MED12L: variants seen among roughly 807,000 people sequenced by gnomAD.
MED12L encodes mediator of RNA polymerase II transcription subunit 12-like protein.
A neutral mutation model predicts 281.3 loss-of-function variants in MED12L; 60 were observed. The ratio of observed to expected loss-of-function variants is 0.21; its 90% CI spans 0.17 to 0.26. The LOEUF (loss-of-function observed/expected upper bound fraction) is 0.26. MED12L is among the 10% of genes least tolerant of loss of function. The probability of loss-of-function intolerance (pLI) is 1.00; values close to 1 mark genes in which losing one functional copy is unlikely to be tolerated. For synonymous variants in MED12L, 974 were observed against 987.2 expected, an observed-to-expected ratio of 0.99 and a Z score of 0.25; for missense variants, 2,146 against 2,680.9, an observed-to-expected ratio of 0.80 and a Z score of 4.41.
At chr3:151,112,276 CTTTTTCT>C (rs1712018252) in intron 2 of MED12L, among the ~76,000 whole-genome samples, 1 of 131,258 alleles carries the variant, frequency 7.6e-6, no homozygotes, top group Admixed American at 7.8e-5. Flanking sequence ...TTAACAATTT[CTTTTTCT>C]TTTTTTTTTT....
At chr3:151,199,073 A>T in intron 16 of MED12L, 1 of 1,614,016 alleles carries the variant, frequency 6.2e-7, no homozygotes. Flanking sequence ...GACAAATGCT[A>T]AGAAGATAAT....
intron 16 of MED12L, among the ~76,000 whole-genome samples, chr3:151,252,561 C>T (rs2149456797): frequency 6.6e-6 from 1 of 152,184 alleles, no homozygotes; most frequent in Admixed American, 6.5e-5. Flanking sequence ...TGTGTTGCTT[C>T]CTTAATTTTC....
At chr3:151,277,690 A>G (rs189098386) in intron 16 of MED12L, among the ~76,000 whole-genome samples, 4 of 152,340 alleles carry the variant, frequency 2.6e-5, no homozygotes, top group East Asian at 3.9e-4. Flanking sequence ...TAGACTATAA[A>G]TAAGTAGCAT....
At chr3:151,230,885 A>G (rs931814818) in intron 16 of MED12L, among the ~76,000 whole-genome samples, 5 of 152,322 alleles carry the variant, frequency 3.3e-5, no homozygotes, top group Admixed American at 3.3e-4. Context: ...TAGCCACTGA[A>G]AGGAAACAGG....
At chr3:151,099,810 C>T (rs1216374003) in intron 2 of MED12L, among the ~76,000 whole-genome samples, 4 of 152,116 alleles carry the variant, frequency 2.6e-5, no homozygotes, top group Non-Finnish European at 5.9e-5. Flanking sequence ...GAGTTCATTT[C>T]TGAATGCTTC....
At chr3:151,373,027 A>G (rs1756382530) in intron 27 of MED12L, among the ~76,000 whole-genome samples, 1 of 151,974 alleles carries the variant, frequency 6.6e-6, no homozygotes, top group African/African-American at 2.4e-5. Context: ...GCATATACCT[A>G]TTTTTTCTGA....
rs79388845 is a variant in MED12L at position 151,415,710 on chromosome 3, A to G, written c.6298-602A>G. ...AATATTTTTCTCTCCTCTGTGTCCC[A>G]CCTTGTGGATGTCTGGTCTGTGCTT... On this transcript the variant is annotated intron_variant, in intron 42 of 44. Transcript: ENST00000687756. Among the ~76,000 whole-genome samples, 790 of 152,286 alleles carry G rather than the reference A, an allele frequency of 5.2e-3. 9 individuals carry two copies. The highest frequency in any genetic ancestry group is 0.018 in the African/African-American group (743 of 41,560).
chr3:151,132,087 A>G (rs568639708), intron 5 of MED12L, among the ~76,000 whole-genome samples: 86 of 152,330 alleles, frequency 5.6e-4, no homozygotes, highest in African/African-American at 2.0e-3. Context: ...AAGTGCCTAT[A>G]ATAATATTTC....
chr3:151,292,228 A>G (rs2071412172), intron 16 of MED12L, among the ~76,000 whole-genome samples: 1 of 152,108 alleles, frequency 6.6e-6, no homozygotes, highest in South Asian at 2.1e-4. Flanking sequence ...TGTGGTAGAA[A>G]CAGAGGATGA....
At chr3:151,392,342 T>C (rs113726051) in intron 38 of MED12L, among the ~76,000 whole-genome samples, 1,747 of 151,662 alleles carry the variant, frequency 0.012, 18 homozygotes, top group South Asian at 0.024. Flanking sequence ...TGGTGGTGCC[T>C]GAAATCCCAG....
chr3:151,138,681 T>C (rs975769711), intron 5 of MED12L, among the ~76,000 whole-genome samples: 1 of 152,198 alleles, frequency 6.6e-6, no homozygotes, highest in African/African-American at 2.4e-5. Flanking sequence ...GATATTTTTC[T>C]TATGGTTAGA....
At chr3:151,207,858 C>G (rs1726588205) in intron 16 of MED12L, among the ~76,000 whole-genome samples, 1 of 152,080 alleles carries the variant, frequency 6.6e-6, no homozygotes, top group African/African-American at 2.4e-5. Context: ...AGGTTTTAGT[C>G]CTGGGAAAGG....
chr3:151,087,513 T>C (rs1719416750), intron 2 of MED12L, among the ~76,000 whole-genome samples: 1 of 152,244 alleles, frequency 6.6e-6, no homozygotes, highest in African/African-American at 2.4e-5. Flanking sequence ...GTCGTTTTTA[T>C]CGAAGTGATA....
intron 16 of MED12L, chr3:151,199,265 T>G (rs773431728): frequency 8.1e-6 from 13 of 1,614,002 alleles, no homozygotes; most frequent in Non-Finnish European, 1.1e-5. Context: ...CGTATTCTTC[T>G]GTATAAAAGC....
intron 16 of MED12L, among the ~76,000 whole-genome samples, chr3:151,322,486 T>A (rs937382860): frequency 2.3e-4 from 35 of 152,104 alleles, no homozygotes; most frequent in Non-Finnish European, 3.7e-4. Context: ...TGTGAGCTAC[T>A]GCATCTGGCG....
intron 16 of MED12L, among the ~76,000 whole-genome samples, chr3:151,216,164 C>T (rs1728178713): frequency 6.6e-6 from 1 of 152,114 alleles, no homozygotes; most frequent in African/African-American, 2.4e-5. Context: ...GAATTCTTTG[C>T]ATAATATTTA....
intron 11 of MED12L, among the ~76,000 whole-genome samples, chr3:151,173,738 T>TAG (rs1207131517): frequency 6.6e-6 from 1 of 152,272 alleles, no homozygotes; most frequent in East Asian, 1.9e-4. Context: ...GTCAGTCTGT[T>TAG]TGTCTGTACA....
intron 2 of MED12L, among the ~76,000 whole-genome samples, chr3:151,105,551 C>CTA (rs1012718491): frequency 4.6e-5 from 7 of 152,178 alleles, no homozygotes; most frequent in Admixed American, 4.6e-4. Context: ...AGGTAAAACA[C>CTA]TCCTAGTTTC....
intron 16 of MED12L, chr3:151,197,745 C>T (rs1245877262): frequency 6.6e-6 from 1 of 152,544 alleles, no homozygotes; most frequent in African/African-American, 2.4e-5. Context: ...AATGAGAAGT[C>T]ACTAAATGTA....
Sources: gnomAD v4.1 joint callset for allele counts (sites outside exome capture counted in the v4.1 genomes callset) on GRCh38, gnomAD v4.1.1 for gene constraint, MANE v1.5 for transcripts, NCBI Gene and HGNC (gene_info 2026-07-23, HGNC 2026-07-21) for gene names.